SEC31B: variants seen among roughly 807,000 people sequenced by gnomAD.
SEC31B encodes SEC31 homolog B, COPII component.
In SEC31B, 113 loss-of-function variants were observed where a neutral mutation model predicts 135.0. That is an observed-to-expected ratio of 0.84 (90% CI 0.72 to 0.98). The LOEUF (loss-of-function observed/expected upper bound fraction) is 0.98, where lower values mean the gene tolerates loss of function less well. Ranked by LOEUF, SEC31B falls within the 50% of genes least tolerant of loss-of-function variation. SEC31B has a pLI of 0.00. For missense variants in SEC31B, 1,296 were observed against 1,421.1 expected (o/e 0.91, Z 1.42); for synonymous variants, 508 against 549.4 (o/e 0.92, Z 1.05).
At chr10:100,488,830 G>A in intron 24 of SEC31B, 28 bp downstream of exon 24, 2 of 1,552,708 alleles carry the variant, frequency 1.3e-6, no homozygotes, top group Non-Finnish European at 8.7e-7. Flanking sequence ...GGTGCGAGGA[G>A]GGCACTGTGA....
In SEC31B at chr10:100,489,747, A is replaced by G. The variant is rs1325781666; in HGVS notation, c.2980T>C (p.Trp994Arg). The G allele has an allele frequency of 1.2e-6, 2 of 1,613,968 alleles. No individual in the cohort carries two copies. Among genetic ancestry groups the G allele is most frequent in the Non-Finnish European group, 1.7e-6 (2 of 1,179,994 alleles). Residue 994 changes from tryptophan to arginine, a missense_variant, in exon 22 of 26, where the codon TGG becomes CGG. By Grantham distance (101) the Trp-to-Arg change is moderately radical (BLOSUM62 -3). Transcript: ENST00000370345. The part of the protein sequence containing the change: ...LTPHPGPQDS[W>R]KEAPAPRGNL... Reference sequence around the variant, plus strand: ...CCCCTGGGGGCTGGGGCTTCTTTCCAGGAATCTTGAGGTCCTATAGAATAA... The same window carrying G: ...CCCCTGGGGGCTGGGGCTTCTTTCCGGGAATCTTGAGGTCCTATAGAATAA...
At chr10:100,507,311 G>A in intron 7 of SEC31B, 114 bp downstream of exon 7, 1 of 1,333,440 alleles carries the variant, frequency 7.5e-7, no homozygotes, top group South Asian at 1.3e-5. Context: ...GACCGGAATG[G>A]CTTTAAAGCC....
At position 100,496,315 on chromosome 10, in the gene SEC31B, C is replaced by G; in HGVS notation, c.2253G>C (p.Leu751=). The part of the protein sequence containing the change: ...TYRVTQYANL[L]AAQGSLATAM... ...CAGTGGCCAGGCTGCCCTGGGCTGC[C>G]AGGAGGTTGGCATACTGAGTGACCC... is the stretch of plus-strand genomic sequence containing the variant. The change falls in exon 18 of 26, where the codon CTG becomes CTC. Residue 751 remains leucine (L), a synonymous_variant. Coordinates refer to ENST00000370345, the MANE Select transcript of SEC31B (RefSeq NM_015490.4). 1 of 1,614,206 alleles carries G rather than the reference C, an allele frequency of 6.2e-7. No individual in the cohort carries two copies. The highest frequency in any genetic ancestry group is 8.5e-7 in the Non-Finnish European group (1 of 1,180,026).
intron 15 of SEC31B, 47 bp downstream of exon 15, chr10:100,497,982 G>A (rs757453751): frequency 6.2e-7 from 1 of 1,607,460 alleles, no homozygotes; most frequent in Non-Finnish European, 8.5e-7. Flanking sequence ...CACCTCACAA[G>A]GTCCAAGTAA....
intron 11 of SEC31B, among the ~76,000 whole-genome samples, chr10:100,501,949 A>T (rs1230614954): frequency 6.6e-6 from 1 of 152,182 alleles, no homozygotes; most frequent in East Asian, 1.9e-4. Flanking sequence ...TTGGCATGAT[A>T]CCGTGAAGGT....
intron 20 of SEC31B, 65 bp from the exon 21 acceptor site, chr10:100,490,387 T>A (rs907422914): frequency 1.4e-6 from 2 of 1,477,080 alleles, no homozygotes; most frequent in African/African-American, 2.9e-5. Context: ...TCAGAGCATA[T>A]CAGGGAGAAA....
intron 24 of SEC31B, among the ~76,000 whole-genome samples, 167 bp from the exon 25 acceptor site, chr10:100,488,265 C>G (rs1180625322): frequency 1.3e-5 from 2 of 152,196 alleles, no homozygotes; most frequent in African/African-American, 4.8e-5. Flanking sequence ...GGAGACCATC[C>G]TGGCTGACAC....
rs552159856 is a variant in SEC31B at position 100,509,566 on chromosome 10, C to T, written c.204-55G>A. 3.4e-4 allele frequency: 471 copies of T among 1,394,302 alleles called. 3 individuals carry two copies. In the South Asian group the frequency reaches 6.0e-3, roughly 18 times the overall value. 86.4% of individuals were successfully genotyped at this position (1,394,302 alleles called of 1,614,324 possible). A position where few individuals can be genotyped will look rare whatever the true frequency, so the allele number is the denominator to read the frequency against. Reference sequence around the variant, plus strand: ...AAACTTAGGTTCATGTCAGTAAGCACAGGATGGGCATCTCTGTCAGCTTCT... The same window carrying T: ...AAACTTAGGTTCATGTCAGTAAGCATAGGATGGGCATCTCTGTCAGCTTCT... On this transcript the variant is annotated intron_variant, in intron 3 of 25. Coordinates refer to ENST00000370345, the MANE Select transcript of SEC31B (RefSeq NM_015490.4).
At position 100,507,543 on chromosome 10, in the gene SEC31B, G is replaced by A; in HGVS notation, c.664C>T (p.His222Tyr). ...NRMHCSGLAWHPDIATQLVLC... is the reference protein window; with the variant it reads ...NRMHCSGLAWYPDIATQLVLC... The stretch of plus-strand genomic sequence containing the variant: ...ACTAACTGGGTGGCTATGTCAGGAT[G>A]CCAGGCCAGGCCTGAGCAGTGCATC... The change falls in exon 7 of 26, where the codon CAT (histidine) becomes TAT (tyrosine). Residue 222 changes from histidine to tyrosine, a missense_variant. Coordinates refer to ENST00000370345, the MANE Select transcript of SEC31B (RefSeq NM_015490.4). The A allele has an allele frequency of 6.2e-7, 1 of 1,614,206 alleles. No homozygotes were observed. Among genetic ancestry groups the A allele is most frequent in the South Asian group, 1.1e-5 (1 of 91,090 alleles).
At position 100,516,198 on chromosome 10, in the gene SEC31B, T is replaced by C; in HGVS notation, c.101A>G (p.Asp34Gly). Residue 34 changes from aspartate to glycine, a missense_variant, in exon 3 of 26, where the codon GAT becomes GGT. Physicochemically the swap from Asp to Gly is moderately conservative, Grantham distance 94. Coordinates refer to ENST00000370345, the MANE Select transcript of SEC31B (RefSeq NM_015490.4). Reference sequence around the variant, plus strand: ...TGTGCCATTTGTGCTGAAGGAGGAATCTAGCTGTTGGGCAGATGTTCCTAG... The same window carrying C: ...TGTGCCATTTGTGCTGAAGGAGGAACCTAGCTGTTGGGCAGATGTTCCTAG... Reference protein sequence around the residue: ...LATGTSAQQLDSSFSTNGTLE... With the variant: ...LATGTSAQQLGSSFSTNGTLE... 1.2e-6 allele frequency: 2 copies of C among 1,613,884 alleles called. No homozygotes were observed. Among genetic ancestry groups the C allele is most frequent in the East Asian group, 2.2e-5 (1 of 44,876 alleles).
In SEC31B at chr10:100,507,964, C is replaced by G; in HGVS notation, c.583G>C (p.Val195Leu). ...SSAHPSGKAV[V>L]WDLRKNEPII... ...GGTTCATTCTTCCTGAGATCCCACA[C>G]AACTGCCTTGCCACTGGGGTGAGCA... Residue 195 changes from valine to leucine, a missense_variant, in exon 6 of 26, where the codon GTG (valine) becomes CTG (leucine). Physicochemically the swap from Val to Leu is conservative, Grantham distance 32 (BLOSUM62 1). Coordinates refer to ENST00000370345, the MANE Select transcript of SEC31B (RefSeq NM_015490.4). The G allele has an allele frequency of 6.2e-7, 1 of 1,614,226 alleles. No individual in the cohort carries two copies. The highest frequency in any genetic ancestry group is 8.5e-7 in the Non-Finnish European group (1 of 1,180,036).
intron 1 of SEC31B, among the ~76,000 whole-genome samples, chr10:100,517,613 T>G (rs1437495259): frequency 6.6e-6 from 1 of 152,222 alleles, no homozygotes; most frequent in African/African-American, 2.4e-5. Context: ...CAGCTGCTTA[T>G]ACGCAATTTC....
At chr10:100,506,280 C>T in intron 8 of SEC31B, 41 bp downstream of exon 8, 1 of 1,614,148 alleles carries the variant, frequency 6.2e-7, no homozygotes, top group Non-Finnish European at 8.5e-7. Flanking sequence ...CTTCTACCCT[C>T]TCTCTCCCAT....
At chr10:100,515,980 T>C (rs1851834629) in intron 3 of SEC31B, 116 bp downstream of exon 3, 2 of 1,297,412 alleles carry the variant, frequency 1.5e-6, no homozygotes, top group African/African-American at 3.0e-5. Flanking sequence ...TTCTCCAACT[T>C]GGCAAAGCTC....
At position 100,486,853 on chromosome 10, in the gene SEC31B, G is replaced by A. The variant is rs1851193060; in HGVS notation, c.*763C>T. 1 of 152,250 alleles carries A rather than the reference G, an allele frequency of 6.6e-6. No homozygotes were observed. The highest frequency in any genetic ancestry group is 1.5e-5 in the Non-Finnish European group (1 of 68,112). 9.4% of individuals were successfully genotyped at this position (152,250 alleles called of 1,614,324 possible). A position where few individuals can be genotyped will look rare whatever the true frequency, so the allele number is the denominator to read the frequency against. ...AGAACTGGGCTTTATCATCACAGAA[G>A]GAATGGCCTTGGGCTAAGGCTCCAA... is the stretch of plus-strand genomic sequence containing the variant. On this transcript the variant is annotated 3_prime_UTR_variant, in exon 26 of 26. Coordinates refer to ENST00000370345, the MANE Select transcript of SEC31B (RefSeq NM_015490.4).
At chr10:100,498,559 C>CT (rs1851457220) in intron 14 of SEC31B, 146 bp downstream of exon 14, 1 of 636,848 alleles carries the variant, frequency 1.6e-6, no homozygotes, top group East Asian at 2.6e-5. Context: ...AGAGAGAGCT[C>CT]TAACTGGTAA....
intron 25 of SEC31B, 108 bp from the exon 26 acceptor site, chr10:100,487,903 T>C: frequency 1.3e-6 from 2 of 1,516,086 alleles, no homozygotes; most frequent in Non-Finnish European, 1.8e-6. Flanking sequence ...CCAGGCAAGA[T>C]GCACGTATTT....
rs1164383702 is a variant in SEC31B at position 100,487,449 on chromosome 10, A to C, written c.*167T>G. On this transcript the variant is annotated 3_prime_UTR_variant, in exon 26 of 26. Transcript: ENST00000370345. ...TAGAAGGCCAGACATAAAGGAGTAA[A>C]AAGCAGGCACTCAGCTGGTTTGGAG... is the stretch of plus-strand genomic sequence containing the variant. The C allele has an allele frequency of 3.1e-6, 2 of 653,862 alleles. No homozygotes were observed. Among genetic ancestry groups the C allele is most frequent in the African/African-American group, 3.7e-5 (2 of 54,776 alleles). The allele number at this position is 653,862 out of a possible 1,614,324, so 40.5% of individuals were successfully genotyped here. A position where few individuals can be genotyped will look rare whatever the true frequency, so the allele number is the denominator to read the frequency against.
At chr10:100,507,866 G>A in intron 6 of SEC31B, 42 bp downstream of exon 6, 1 of 1,613,612 alleles carries the variant, frequency 6.2e-7, no homozygotes, top group Non-Finnish European at 8.5e-7. Flanking sequence ...GCAGGAGAGA[G>A]AAGCCAGAGC....
Sources: allele counts gnomAD v4.1 joint callset (sites outside exome capture counted in the v4.1 genomes callset), GRCh38; gene constraint gnomAD v4.1.1; transcripts MANE v1.5; gene names NCBI Gene and HGNC (gene_info 2026-07-23, HGNC 2026-07-21).